Variants in MED12L observed in about 807,000 individuals in gnomAD.
MED12L encodes the protein mediator of RNA polymerase II transcription subunit 12-like protein.
In MED12L, 60 loss-of-function variants were observed where a neutral mutation model predicts 281.3. The observed-to-expected ratio is 0.21, with a 90% CI of 0.17 to 0.26. The LOEUF is 0.26. MED12L is among the 10% of genes least tolerant of loss of function. The pLI is 1.00. For synonymous variants in MED12L, 974 were observed against 987.2 expected (o/e 0.99, Z 0.25); for missense variants, 2,146 against 2,680.9 (o/e 0.80, Z 4.41).
chr3:151,397,334 A>G (rs1036982864), intron 39 of MED12L, among the ~76,000 whole-genome samples: 6 of 152,324 alleles, frequency 3.9e-5, no homozygotes, highest in Non-Finnish European at 7.3e-5. Context: ...CAAGTGTTAG[A>G]TAATTGAGGA....
chr3:151,432,865 T>G lies in MED12L; in HGVS notation c.*61T>G. 7.8e-7 allele frequency: 1 copy of G among 1,282,874 alleles called. No individual in the cohort carries two copies. Among genetic ancestry groups the G allele is most frequent in the South Asian group, 1.3e-5 (1 of 74,938 alleles). The allele number at this position is 1,282,874 out of a possible 1,614,324, so 79.5% of individuals were successfully genotyped here. On this transcript the variant is annotated 3_prime_UTR_variant, in exon 45 of 45. Transcript: ENST00000687756. ...GCACTGAAAAACAGAAAATCAAATT[T>G]AATGCATTAGTCATCTTAAAAATGT...
chr3:151,214,180 A>T lies in MED12L; in HGVS notation c.2250+20514A>T, dbSNP rs1347979014. ...CTTAGAGCTGGGCACGTAAAAGAAT[A>T]TCCATCCTGACACTCCATTGAGTAG... is the stretch of plus-strand genomic sequence containing the variant. On this transcript the variant is annotated intron_variant, in intron 16 of 44. Transcript: ENST00000687756. 2 of 1,614,164 alleles carry T rather than the reference A, an allele frequency of 1.2e-6. No homozygotes were observed. The highest frequency in any genetic ancestry group is 4.5e-5 in the East Asian group (2 of 44,884).
At chr3:151,253,659 G>T (rs996308005) in intron 16 of MED12L, among the ~76,000 whole-genome samples, 1 of 152,078 alleles carries the variant, frequency 6.6e-6, no homozygotes, top group African/African-American at 2.4e-5. Context: ...TTTTTTGTGA[G>T]GGGGTGGGTG....
intron 16 of MED12L, among the ~76,000 whole-genome samples, chr3:151,295,708 G>A (rs1744990581): frequency 6.6e-6 from 1 of 152,196 alleles, no homozygotes; most frequent in African/African-American, 2.4e-5. Context: ...TGTAAAACTA[G>A]TGGGTCATTT....
intron 14 of MED12L, 111 bp from the exon 15 acceptor site, chr3:151,192,439 C>G: frequency 1.3e-6 from 1 of 779,064 alleles, no homozygotes; most frequent in South Asian, 1.6e-5. Flanking sequence ...GAAAACAATA[C>G]GGGGAACAAA....
intron 2 of MED12L, among the ~76,000 whole-genome samples, chr3:151,089,499 G>C (rs1719735342): frequency 6.6e-6 from 1 of 151,402 alleles, no homozygotes; most frequent in Admixed American, 6.6e-5. Flanking sequence ...GTGCACTTCA[G>C]AAAAAATTTC....
chr3:151,300,992 T>G (rs1745838111), intron 16 of MED12L, among the ~76,000 whole-genome samples: 1 of 152,192 alleles, frequency 6.6e-6, no homozygotes, highest in Non-Finnish European at 1.5e-5. Context: ...TCAGTGATGC[T>G]CTCCACCCAG....
chr3:151,181,256 T>G (rs1722660569), intron 11 of MED12L, among the ~76,000 whole-genome samples: 1 of 152,206 alleles, frequency 6.6e-6, no homozygotes, highest in Admixed American at 6.5e-5. Flanking sequence ...TGCAAAAGTT[T>G]AAGTAAAATG....
intron 16 of MED12L, among the ~76,000 whole-genome samples, chr3:151,282,513 G>A (rs533675373): frequency 1.3e-5 from 2 of 152,134 alleles, no homozygotes; most frequent in Admixed American, 6.5e-5. Flanking sequence ...GTAAAGGCCC[G>A]GTGTAAACAT....
rs1232058929 is a variant in MED12L at position 151,435,215 on chromosome 3, G to T, written c.*2411G>T. 6.6e-6 allele frequency: 1 copy of T among 150,534 alleles called. No individual in the cohort carries two copies. The highest frequency in any genetic ancestry group is 1.9e-4 in the East Asian group (1 of 5,130). 9.3% of individuals were successfully genotyped at this position (150,534 alleles called of 1,614,324 possible). ...GAGCGAGACCCCAGCTCCCCTTAAA[G>T]ACAAGACCTTGAAATCAAATGGAGT... On this transcript the variant is annotated 3_prime_UTR_variant, in exon 45 of 45. Transcript: ENST00000687756.
chr3:151,121,771 A>G (rs1713791901), intron 3 of MED12L, among the ~76,000 whole-genome samples: 2 of 152,118 alleles, frequency 1.3e-5, no homozygotes, highest in African/African-American at 4.8e-5. Flanking sequence ...GCTGGAGTGC[A>G]GTGGTGTGAT....
At chr3:151,191,714 C>G (rs1361671313) in intron 14 of MED12L, among the ~76,000 whole-genome samples, 1 of 152,164 alleles carries the variant, frequency 6.6e-6, no homozygotes, top group East Asian at 1.9e-4. Flanking sequence ...TGAGACTAGC[C>G]TGACCAACAT....
intron 16 of MED12L, among the ~76,000 whole-genome samples, chr3:151,206,401 G>A (rs1287896486): frequency 1.3e-5 from 2 of 151,886 alleles, no homozygotes; most frequent in Non-Finnish European, 2.9e-5. Context: ...CCCCTTGACA[G>A]TCCTTTTGGT....
chr3:151,092,513 G>A (rs900112690), intron 2 of MED12L, among the ~76,000 whole-genome samples: 4 of 152,220 alleles, frequency 2.6e-5, no homozygotes, highest in African/African-American at 2.4e-5. Flanking sequence ...GCAATTGTGA[G>A]TATTTATAAC....
chr3:151,190,174 CTTTT>C (rs879731163), intron 13 of MED12L, among the ~76,000 whole-genome samples: 1 of 144,166 alleles, frequency 6.9e-6, no homozygotes, highest in East Asian at 2.0e-4. Context: ...GGACTACTAT[CTTTT>C]TTTTTTTTTT....
chr3:151,328,293 CT>C, intron 16 of MED12L: 1 of 1,613,928 alleles, frequency 6.2e-7, no homozygotes, highest in Non-Finnish European at 8.5e-7. Context: ...AATACTTTGC[CT>C]TCCAGCTTTT....
intron 39 of MED12L, among the ~76,000 whole-genome samples, chr3:151,408,580 C>T (rs1716600981): frequency 6.6e-6 from 1 of 152,106 alleles, no homozygotes; most frequent in Non-Finnish European, 1.5e-5. Flanking sequence ...ACACACATAC[C>T]ATTGCTCTTG....
At chr3:151,204,683 A>T (rs1726110545) in intron 16 of MED12L, among the ~76,000 whole-genome samples, 1 of 152,204 alleles carries the variant, frequency 6.6e-6, no homozygotes, top group Non-Finnish European at 1.5e-5. Flanking sequence ...CATCCACTGG[A>T]GGGTAGAGGA....
chr3:151,251,504 C>T (rs922886264), intron 16 of MED12L, among the ~76,000 whole-genome samples: 10 of 152,108 alleles, frequency 6.6e-5, no homozygotes, highest in African/African-American at 2.2e-4. Context: ...TCCACTCACC[C>T]GTGAGAGGAA....
Sources: allele counts gnomAD v4.1 joint callset (sites outside exome capture counted in the v4.1 genomes callset), GRCh38; gene constraint gnomAD v4.1.1; transcripts MANE v1.5; gene names NCBI Gene and HGNC (gene_info 2026-07-23, HGNC 2026-07-21).